The following CYB5D2 variants were observed in gnomAD, a reference collection of about 807,000 sequenced individuals.
The protein encoded by CYB5D2 is neuferricin.
In CYB5D2, 23 loss-of-function variants were observed where a neutral mutation model predicts 22.8. The ratio of observed to expected loss-of-function variants is 1.01; its 90% CI spans 0.73 to 1.43. The LOEUF (loss-of-function observed/expected upper bound fraction) is 1.43, where lower values mean the gene tolerates loss of function less well. Among genes scored for constraint, CYB5D2 ranks in the 40% most tolerant of loss-of-function variants. The pLI is 0.00. For missense variants in CYB5D2, 373 were observed against 357.2 expected (o/e 1.04, Z -0.36); for synonymous variants, 170 against 152.2 (o/e 1.12, Z -0.86).
Position 4,157,098 on chromosome 17 carries a change from G to A in CYB5D2, c.*16G>A. On this transcript the variant is annotated 3_prime_UTR_variant, in exon 4 of 4. Coordinates refer to ENST00000301391, the MANE Select transcript of CYB5D2 (RefSeq NM_144611.4). The surrounding 1 kb of genome is among the most constrained non-coding windows in gnomAD (Gnocchi z 4.4). ...TCCACTCTAAGCCGTAGCCTCTTCTGTTAATAACACACAGAGAGCTCTGCC... is the reference window on the plus strand; with the variant it reads ...TCCACTCTAAGCCGTAGCCTCTTCTATTAATAACACACAGAGAGCTCTGCC... The A allele has an allele frequency of 6.2e-7, 1 of 1,611,484 alleles. No individual in the cohort carries two copies.
intron 1 of CYB5D2, among the ~76,000 whole-genome samples, chr17:4,145,033 A>G (rs2054041): frequency 0.91 from 138,329 of 152,084 alleles, 64,380 homozygotes; most frequent in Non-Finnish European, 1. Context: ...TGATCCGCCC[A>G]CCTTGGCCTC....
intron 1 of CYB5D2, among the ~76,000 whole-genome samples, chr17:4,144,323 GC>G (rs11355820): frequency 0.21 from 31,894 of 151,886 alleles, 3,415 homozygotes; most frequent in Middle Eastern, 0.25. Context: ...TTTTGTGGGG[GC>G]TCTTAGGGCA....
At chr17:4,147,657 C>T (rs753137124) in intron 1 of CYB5D2, among the ~76,000 whole-genome samples, 2 of 152,182 alleles carry the variant, frequency 1.3e-5, no homozygotes, top group Admixed American at 6.5e-5. Context: ...AGTTCGAAAC[C>T]AGCCTGACTA....
rs2058908830 is a variant in CYB5D2 at position 4,143,308 on chromosome 17, CCT to C, written c.-447_-446del. 1 of 174,626 alleles carries C rather than the reference CCT, an allele frequency of 5.7e-6. No individual in the cohort carries two copies. Among genetic ancestry groups the C allele is most frequent in the Non-Finnish European group, 1.2e-5 (1 of 82,898 alleles). The allele number at this position is 174,626 out of a possible 1,614,324, so 10.8% of individuals were successfully genotyped here. A position where few individuals can be genotyped will look rare whatever the true frequency, so the allele number is the denominator to read the frequency against. ...TTGGGAGGCCGAGACGGGTGGATCA[CCT>C]GAGGTCAGGAGTTCGAGACCAGCCT... On this transcript the variant is annotated 5_prime_UTR_variant, in exon 1 of 4. Coordinates refer to ENST00000301391, the MANE Select transcript of CYB5D2 (RefSeq NM_144611.4).
At position 4,150,007 on chromosome 17, in the gene CYB5D2, T is replaced by C; in HGVS notation, c.367T>C (p.Tyr123His). 6.2e-7 allele frequency: 1 copy of C among 1,614,148 alleles called. No individual in the cohort carries two copies. Among genetic ancestry groups the C allele is most frequent in the East Asian group, 2.2e-5 (1 of 44,884 alleles). ...MLTLHNWLSF[Y>H]EKNYVCVGRV... ...GACACTTCACAATTGGCTTTCATTCTATGAGAAGAATTATGTGTGTGTTGG... is the reference window on the plus strand; with the variant it reads ...GACACTTCACAATTGGCTTTCATTCCATGAGAAGAATTATGTGTGTGTTGG... Residue 123 changes from tyrosine to histidine, a missense_variant, in exon 2 of 4, where the codon TAT (tyrosine) becomes CAT (histidine). By Grantham distance (83) the Tyr-to-His change is moderately conservative. Coordinates refer to ENST00000301391, the MANE Select transcript of CYB5D2 (RefSeq NM_144611.4).
At position 4,143,597 on chromosome 17, in the gene CYB5D2, G is replaced by T; in HGVS notation, c.-159G>T. 9.5e-7 allele frequency: 1 copy of T among 1,053,092 alleles called. No homozygotes were observed. The highest frequency in any genetic ancestry group is 1.4e-6 in the Non-Finnish European group (1 of 739,252). 65.2% of individuals were successfully genotyped at this position (1,053,092 alleles called of 1,614,324 possible). On this transcript the variant is annotated 5_prime_UTR_variant, in exon 1 of 4. Coordinates refer to ENST00000301391, the MANE Select transcript of CYB5D2 (RefSeq NM_144611.4). ...GCTTTTCGCCAGTGCCAGGAATACAGATAAAACGAGAGAGACTAAGGGAGG... is the reference window on the plus strand; with the variant it reads ...GCTTTTCGCCAGTGCCAGGAATACATATAAAACGAGAGAGACTAAGGGAGG...
intron 2 of CYB5D2, 112 bp from the exon 3 acceptor site, chr17:4,154,562 A>G: frequency 7.9e-7 from 1 of 1,263,012 alleles, no homozygotes. Context: ...GTTCTTATTA[A>G]ACGCGCACCA....
At chr17:4,151,861 C>T (rs982875836) in intron 2 of CYB5D2, among the ~76,000 whole-genome samples, 1 of 151,940 alleles carries the variant, frequency 6.6e-6, no homozygotes, top group Non-Finnish European at 1.5e-5. Flanking sequence ...AAAAAATTAG[C>T]TGGGTGTGGT....
intron 1 of CYB5D2, among the ~76,000 whole-genome samples, chr17:4,145,026 T>C (rs892080058): frequency 7.2e-5 from 11 of 152,044 alleles, no homozygotes; most frequent in Non-Finnish European, 1.2e-4. Context: ...GACCTTATGA[T>C]CCGCCCACCT....
intron 1 of CYB5D2, among the ~76,000 whole-genome samples, chr17:4,146,213 C>G (rs1281066038): frequency 2.6e-5 from 4 of 151,054 alleles, no homozygotes; most frequent in Admixed American, 2.6e-4. Context: ...TGTGCCCCAG[C>G]CTCCCGAGGA....
intron 2 of CYB5D2, 88 bp downstream of exon 2, chr17:4,150,119 A>G (rs1172001705): frequency 6.7e-7 from 1 of 1,495,786 alleles, no homozygotes; most frequent in African/African-American, 1.4e-5. Flanking sequence ...GTTCAAGCTT[A>G]AAATCTGAAA....
In CYB5D2 at chr17:4,152,180, G is replaced by A. The variant is rs182422504; in HGVS notation, c.391+2149G>A. ...TTGAGGATGGGGTGGGGCATGTGGC[G>A]GGAAATGCCTCAGAAGGATTTTAGT... On this transcript the variant is annotated intron_variant, in intron 2 of 3. Transcript: ENST00000301391. Among the ~76,000 whole-genome samples, 17 of 152,226 alleles carry A rather than the reference G, an allele frequency of 1.1e-4. No homozygotes were observed. The East Asian group carries it at 2.9e-3, about 26-fold the overall frequency.
chr17:4,143,982 G>A lies in CYB5D2; in HGVS notation c.227G>A (p.Gly76Glu), dbSNP rs377546090. The A allele has an allele frequency of 2.0e-5, 33 of 1,610,586 alleles. No individual in the cohort carries two copies. The African/African-American group carries it at 2.3e-4, about 11-fold the overall frequency. Residue 76 changes from glycine (G) to glutamate (E), a missense_variant, in exon 1 of 4, where the codon GGG becomes GAG. Transcript: ENST00000301391. ...VSSGRRHYEPGSHYSGFAGRD... is the reference protein window; with the variant it reads ...VSSGRRHYEPESHYSGFAGRD... ...TCCGGCCGGAGGCACTACGAGCCTG[G>A]GTCCCACTATAGCGGCTTCGCAGGT...
At chr17:4,155,388 C>G (rs1331432881) in intron 3 of CYB5D2, among the ~76,000 whole-genome samples, 2 of 152,110 alleles carry the variant, frequency 1.3e-5, no homozygotes, top group Non-Finnish European at 2.9e-5. Context: ...GAGACTGAGG[C>G]AGGCAGGTCG....
chr17:4,156,851 T>G lies in CYB5D2; in HGVS notation c.579-15T>G. On this transcript the variant is annotated splice_polypyrimidine_tract_variant and intron_variant, in intron 3 of 3. Coordinates refer to ENST00000301391, the MANE Select transcript of CYB5D2 (RefSeq NM_144611.4). ...GTTCTCACATTTAAGAAGTCCTCTT[T>G]CCGTCTATCCTTAGTGGAGGTGTGA... 2 of 1,612,258 alleles carry G rather than the reference T, an allele frequency of 1.2e-6. No individual in the cohort carries two copies. Among genetic ancestry groups the G allele is most frequent in the Non-Finnish European group, 1.7e-6 (2 of 1,179,844 alleles).
rs998279133 is a variant in CYB5D2 at position 4,143,668 on chromosome 17, C to T, written c.-88C>T. 3.3e-6 allele frequency: 5 copies of T among 1,510,032 alleles called. No individual in the cohort carries two copies. The Admixed American group carries it at 8.8e-5, about 27-fold the overall frequency. 93.5% of individuals were successfully genotyped at this position (1,510,032 alleles called of 1,614,324 possible). A position where few individuals can be genotyped will look rare whatever the true frequency, so the allele number is the denominator to read the frequency against. ...GAGAGAGAGAGCGAGAGCGCGCGCG[C>T]CGATGACGTCACGCTCGGCGTCTCG... On this transcript the variant is annotated 5_prime_UTR_variant, in exon 1 of 4. Transcript: ENST00000301391.
At position 4,143,941 on chromosome 17, in the gene CYB5D2, T is replaced by C. The variant is rs11554616; in HGVS notation, c.186T>C (p.Arg62=). Residue 62 remains arginine (R), a synonymous_variant, in exon 1 of 4, where the codon CGT becomes CGC. Transcript: ENST00000301391. ...DPGLYLALLG[R]VYDVSSGRRH... ...GCCTGTACTTGGCGTTGCTCGGCCG[T>C]GTCTACGATGTGTCCTCCGGCCGGA... The C allele has an allele frequency of 2.9e-4, 465 of 1,613,336 alleles. No homozygotes were observed. Among genetic ancestry groups the C allele is most frequent in the Non-Finnish European group, 3.9e-4 (455 of 1,179,974 alleles).
At chr17:4,151,125 C>T (rs1032565437) in intron 2 of CYB5D2, 5 of 152,190 alleles carry the variant, frequency 3.3e-5, no homozygotes, top group African/African-American at 1.2e-4. Flanking sequence ...TTATTAACAC[C>T]TCAGCTCCCT....
rs1230452191 is a variant in CYB5D2, at chr17:4,154,963, TG to T, written c.578+107del. 5 of 1,265,416 alleles carry T rather than the reference TG, an allele frequency of 4.0e-6. No individual in the cohort carries two copies. The East Asian group carries it at 1.3e-4, about 33-fold the overall frequency. 78.4% of individuals were successfully genotyped at this position (1,265,416 alleles called of 1,614,324 possible). On this transcript the variant is annotated intron_variant, in intron 3 of 3. Transcript: ENST00000301391. ...GAATTCAGGAATTGATTGTTAACCC[TG>T]GGGAGCTTTTTCAAAATACTGATAA...
Sources: gnomAD v4.1 joint callset for allele counts (sites outside exome capture counted in the v4.1 genomes callset) on GRCh38, gnomAD v4.1.1 for gene constraint, Gnocchi (gnomAD v3.1) non-coding constraint, MANE v1.5 for transcripts, NCBI Gene and HGNC (gene_info 2026-07-23, HGNC 2026-07-21) for gene names.